Variants in HDHD2 observed in about 807,000 individuals in gnomAD.
HDHD2 encodes the protein haloacid dehalogenase-like hydrolase domain-containing protein 2.
HDHD2 carries 26 observed loss-of-function variants against 24.8 expected under a neutral mutation model. The ratio of observed to expected loss-of-function variants is 1.05; its 90% CI spans 0.77 to 1.45. HDHD2 has a LOEUF of 1.45. Among genes scored for constraint, HDHD2 ranks in the 40% most tolerant of loss-of-function variants. The pLI, the probability that HDHD2 is intolerant of heterozygous loss-of-function variation, is 0.00. For missense variants in HDHD2, 299 were observed against 313.4 expected (o/e 0.95, Z 0.35); for synonymous variants, 128 against 114.9 (o/e 1.11, Z -0.73).
At chr18:47,133,497 T>TTGGGCATATACCCAG (rs570277112) in intron 3 of HDHD2, among the ~76,000 whole-genome samples, 1 of 104,464 alleles carries the variant, frequency 9.6e-6, no homozygotes, top group African/African-American at 3.5e-5. Flanking sequence ...TTATAGTCCT[T>TTGGGCATATACCCAG]TAATGGGATG....
chr18:47,142,379 T>C (rs1030764832), intron 1 of HDHD2, among the ~76,000 whole-genome samples: 1 of 152,152 alleles, frequency 6.6e-6, no homozygotes, highest in Non-Finnish European at 1.5e-5. Flanking sequence ...CCTTACTATC[T>C]GGCCCTTTAC....
chr18:47,134,417 T>C (rs1457409923), intron 3 of HDHD2, 79 bp downstream of exon 3: 12 of 959,064 alleles, frequency 1.3e-5, no homozygotes, highest in African/African-American at 3.3e-5. Flanking sequence ...AGAATAAACA[T>C]CTCTAAACAT....
intron 4 of HDHD2, among the ~76,000 whole-genome samples, chr18:47,128,402 T>C (rs2063680631): frequency 6.6e-6 from 1 of 152,120 alleles, no homozygotes; most frequent in Non-Finnish European, 1.5e-5. Context: ...TCAGAAAAAA[T>C]AATAGCAGAT....
intron 1 of HDHD2, among the ~76,000 whole-genome samples, chr18:47,141,681 T>C (rs551114411): frequency 2.4e-4 from 37 of 152,358 alleles, no homozygotes; most frequent in Middle Eastern, 3.4e-3. Context: ...GCTTTGGCCA[T>C]TGAGAGCTCT....
At chr18:47,113,090 C>G in intron 5 of HDHD2, 50 bp from the exon 6 acceptor site, 1 of 1,480,034 alleles carries the variant, frequency 6.8e-7, no homozygotes, top group East Asian at 2.3e-5. Context: ...AGTAAGCTAG[C>G]CAACAAACAT....
intron 1 of HDHD2, among the ~76,000 whole-genome samples, chr18:47,146,432 A>G (rs1455020314): frequency 1.3e-5 from 2 of 152,176 alleles, no homozygotes; most frequent in Non-Finnish European, 2.9e-5. Flanking sequence ...ATACTTGTAC[A>G]AGCATTTTGG....
chr18:47,107,948 A>C lies in HDHD2; in HGVS notation c.*734T>G, dbSNP rs1337915745. ...ATTAAAACATCTGTAAAATACTGAT[A>C]GTTTTAATTTTACATAAAATTTCCA... is the stretch of plus-strand genomic sequence containing the variant. On this transcript the variant is annotated 3_prime_UTR_variant, in exon 7 of 7. Coordinates refer to ENST00000300605, the MANE Select transcript of HDHD2 (RefSeq NM_032124.5). 2.6e-5 allele frequency: 4 copies of C among 152,692 alleles called. No individual in the cohort carries two copies. The highest frequency in any genetic ancestry group is 9.6e-5 in the African/African-American group (4 of 41,468). The allele number at this position is 152,692 out of a possible 1,614,324, so 9.5% of individuals were successfully genotyped here. A position where few individuals can be genotyped will look rare whatever the true frequency, so the allele number is the denominator to read the frequency against.
At chr18:47,137,316 C>T (rs79420880) in intron 1 of HDHD2, 23,445 of 402,786 alleles carry the variant, frequency 0.058, 896 homozygotes, top group East Asian at 0.15. Context: ...AGGGAACCTG[C>T]TTCTTTACTC....
chr18:47,127,659 C>T (rs1361540759), intron 4 of HDHD2, among the ~76,000 whole-genome samples: 1 of 143,866 alleles, frequency 7.0e-6, no homozygotes, highest in East Asian at 2.0e-4. Context: ...CGAGATGAGC[C>T]GAGATCACAC....
At chr18:47,134,456 T>C (rs765760639) in intron 3 of HDHD2, 40 bp downstream of exon 3, 2 of 1,369,254 alleles carry the variant, frequency 1.5e-6, no homozygotes, top group Non-Finnish European at 2.1e-6. Context: ...TGTAAGTACA[T>C]ATAAATATCC....
intron 6 of HDHD2, chr18:47,109,845 A>C (rs2063501555): frequency 3.3e-6 from 1 of 301,552 alleles, no homozygotes; most frequent in Non-Finnish European, 4.9e-6. Context: ...ATTTAAGAAG[A>C]CTAAGTTATT....
intron 3 of HDHD2, among the ~76,000 whole-genome samples, chr18:47,130,979 T>TA (rs2063708377): frequency 6.6e-6 from 1 of 152,150 alleles, no homozygotes; most frequent in East Asian, 1.9e-4. Flanking sequence ...TTTATTTATT[T>TA]ATTTATTTAT....
chr18:47,125,759 A>G (rs2571010), intron 4 of HDHD2, among the ~76,000 whole-genome samples: 85,187 of 152,002 alleles, frequency 0.56, 24,004 homozygotes, highest in Middle Eastern at 0.62. Context: ...GGGAGCCACC[A>G]AGGATGCTGA....
At chr18:47,146,825 A>T (rs1198588098) in intron 1 of HDHD2, among the ~76,000 whole-genome samples, 1 of 152,190 alleles carries the variant, frequency 6.6e-6, no homozygotes, top group African/African-American at 2.4e-5. Flanking sequence ...GAAGCAAGGG[A>T]ATGATTACCA....
At chr18:47,115,411 G>A (rs1480446909) in intron 4 of HDHD2, 63 bp from the exon 5 acceptor site, 4 of 1,192,410 alleles carry the variant, frequency 3.4e-6, no homozygotes, top group Admixed American at 2.0e-5. Flanking sequence ...GACTGGGAAC[G>A]AATGTCAGAC....
chr18:47,147,990 C>CTTT (rs11390608), intron 1 of HDHD2, among the ~76,000 whole-genome samples: 7,132 of 137,894 alleles, frequency 0.052, 242 homozygotes, highest in East Asian at 0.12. Flanking sequence ...TTTTTTCTTT[C>CTTT]TTTTTTTTTT....
At chr18:47,120,077 T>C (rs895928463) in intron 4 of HDHD2, among the ~76,000 whole-genome samples, 2 of 152,220 alleles carry the variant, frequency 1.3e-5, no homozygotes, top group African/African-American at 2.4e-5. Flanking sequence ...ATTCCATTTA[T>C]AGAGCACAGG....
chr18:47,111,238 T>C lies in HDHD2; in HGVS notation c.676+1739A>G, dbSNP rs1452389082. 5.1e-6 allele frequency: 5 copies of C among 985,098 alleles called. No homozygotes were observed. In the African/African-American group the frequency reaches 8.7e-5, roughly 17 times the overall value. The allele number at this position is 985,098 out of a possible 1,614,324, so 61.0% of individuals were successfully genotyped here. A position where few individuals can be genotyped will look rare whatever the true frequency, so the allele number is the denominator to read the frequency against. On this transcript the variant is annotated intron_variant, in intron 6 of 6. Coordinates refer to ENST00000300605, the MANE Select transcript of HDHD2 (RefSeq NM_032124.5). ...GACTAAACTGATGCCTGTGAAAGGC[T>C]GGTCACAATAAAATGCCAGTCACAA... is the stretch of plus-strand genomic sequence containing the variant.
chr18:47,148,053 A>C (rs959092640), intron 1 of HDHD2, among the ~76,000 whole-genome samples: 1 of 145,846 alleles, frequency 6.9e-6, no homozygotes, highest in Non-Finnish European at 1.5e-5. Flanking sequence ...CAGTGGCACT[A>C]TCTCTCAGCT....
Sources: allele counts gnomAD v4.1 joint callset (sites outside exome capture counted in the v4.1 genomes callset), GRCh38; gene constraint gnomAD v4.1.1; transcripts MANE v1.5; gene names NCBI Gene and HGNC (gene_info 2026-07-23, HGNC 2026-07-21).